Variants in SIRPG observed in about 807,000 individuals in gnomAD.
SIRPG encodes the protein signal-regulatory protein gamma.
Under a neutral mutation model 35.7 loss-of-function variants are expected in SIRPG, and 38 were observed. The ratio of observed to expected loss-of-function variants is 1.06; its 90% CI spans 0.82 to 1.40. The LOEUF is 1.40. Ranked by LOEUF, SIRPG falls within the 40% of genes most tolerant of loss-of-function variation. The pLI is 0.00. For synonymous variants in SIRPG, 215 were observed against 190.4 expected, an observed-to-expected ratio of 1.13 and a Z score of -1.06; for missense variants, 519 against 483.0, an observed-to-expected ratio of 1.07 and a Z score of -0.70.
At chr20:1,674,534 C>A in the SIRPG span, among the ~76,000 whole-genome samples, 13 of 152,166 alleles carry the variant, frequency 8.5e-5, no homozygotes, top group Non-Finnish European at 1.8e-4. Flanking sequence ...CCAGGAAGTA[C>A]CAGAGCCCGG....
upstream of SIRPG, among the ~76,000 whole-genome samples, chr20:1,661,221 G>A (rs1032790699): frequency 7.9e-5 from 12 of 152,194 alleles, no homozygotes; most frequent in Admixed American, 5.9e-4. Flanking sequence ...CCAGTGGCTG[G>A]TGGAGGTGGA....
chr20:1,669,015 A>G, the SIRPG span, among the ~76,000 whole-genome samples: 2 of 152,346 alleles, frequency 1.3e-5, no homozygotes, highest in African/African-American at 4.8e-5. Flanking sequence ...AAGCCTTTGA[A>G]AAGTCTTCTG....
chr20:1,632,438 T>C (rs1457617846), intron 4 of SIRPG, among the ~76,000 whole-genome samples: 1 of 152,140 alleles, frequency 6.6e-6, no homozygotes, highest in African/African-American at 2.4e-5. Context: ...CCTGCCAGCC[T>C]AGACAACTTA....
At chr20:1,667,235 T>A in the SIRPG span, among the ~76,000 whole-genome samples, 1 of 152,316 alleles carries the variant, frequency 6.6e-6, no homozygotes, top group East Asian at 1.9e-4. Flanking sequence ...GTGTTCTAAT[T>A]GCCTACGGTA....
chr20:1,653,700 G>A (rs2122570216), intron 1 of SIRPG, among the ~76,000 whole-genome samples: 1 of 152,314 alleles, frequency 6.6e-6, no homozygotes, highest in African/African-American at 2.4e-5. Flanking sequence ...AGGACTTTCA[G>A]TGGTAAGATT....
At chr20:1,645,550 A>G (rs1041693119) in intron 2 of SIRPG, among the ~76,000 whole-genome samples, 3 of 152,210 alleles carry the variant, frequency 2.0e-5, no homozygotes, top group Non-Finnish European at 4.4e-5. Context: ...GGCATCACAT[A>G]GTTCACATTT....
chr20:1,647,919 G>A (rs1489557747), intron 2 of SIRPG: 1 of 152,186 alleles, frequency 6.6e-6, no homozygotes, highest in East Asian at 1.9e-4. Flanking sequence ...TACCTGTGAT[G>A]CACCAGGTTC....
At chr20:1,652,253 C>A (rs2091944701) in intron 1 of SIRPG, among the ~76,000 whole-genome samples, 1 of 152,182 alleles carries the variant, frequency 6.6e-6, no homozygotes, top group South Asian at 2.1e-4. Flanking sequence ...TGGTCCAGAT[C>A]TAGGGGGAAT....
the SIRPG span, among the ~76,000 whole-genome samples, chr20:1,676,244 T>C: frequency 6.6e-6 from 1 of 152,182 alleles, no homozygotes; most frequent in Non-Finnish European, 1.5e-5. Flanking sequence ...TTAGGCAGTG[T>C]TCTTACATAT....
At chr20:1,655,848 G>T (rs1323167854) in intron 1 of SIRPG, among the ~76,000 whole-genome samples, 1 of 151,762 alleles carries the variant, frequency 6.6e-6, no homozygotes, top group African/African-American at 2.4e-5. Flanking sequence ...ACTGAAAATA[G>T]AAAGAGAACC....
At chr20:1,670,768 G>C in the SIRPG span, 14 of 192,584 alleles carry the variant, frequency 7.3e-5, no homozygotes, top group Non-Finnish European at 1.5e-4. Context: ...AAGGTGGGCA[G>C]CACAGTTAGG....
chr20:1,664,870 A>T, the SIRPG span, among the ~76,000 whole-genome samples: 1 of 152,024 alleles, frequency 6.6e-6, no homozygotes, highest in Non-Finnish European at 1.5e-5. Flanking sequence ...AGAGGATCAG[A>T]GTGGGAACAG....
chr20:1,635,591 T>C lies in SIRPG; in HGVS notation c.757A>G (p.Thr253Ala), dbSNP rs768249416. The C allele has an allele frequency of 2.2e-5, 36 of 1,613,790 alleles. No homozygotes were observed. The highest frequency in any genetic ancestry group is 1.6e-4 in the Middle Eastern group (1 of 6,074). Residue 253 changes from threonine (T) to alanine (A), a missense_variant, in exon 4 of 6, where the codon ACC becomes GCC. Transcript: ENST00000303415. ...NLSEAIRVPPTLEVTQQPMRV... is the reference protein window; with the variant it reads ...NLSEAIRVPPALEVTQQPMRV... The stretch of plus-strand genomic sequence containing the variant: ...ATGGGCTGTTGAGTAACCTCCAAGG[T>C]GGGTGGAACTGAAACAGCACAGGGT...
chr20:1,671,126 A>T, the SIRPG span: 1 of 427,744 alleles, frequency 2.3e-6, no homozygotes, highest in Admixed American at 2.6e-5. Flanking sequence ...TGGGACTCAC[A>T]GGTGAAGCTC....
intron 2 of SIRPG, among the ~76,000 whole-genome samples, chr20:1,641,560 A>G (rs1400954736): frequency 6.6e-6 from 1 of 151,818 alleles, no homozygotes; most frequent in Non-Finnish European, 1.5e-5. Context: ...CAGCTTCTGG[A>G]TTCATTGATT....
At chr20:1,674,323 G>A in the SIRPG span, among the ~76,000 whole-genome samples, 1 of 151,968 alleles carries the variant, frequency 6.6e-6, no homozygotes, top group Non-Finnish European at 1.5e-5. Flanking sequence ...GAGAAGCACT[G>A]ACCCATCTGA....
the SIRPG span, among the ~76,000 whole-genome samples, chr20:1,678,481 A>G: frequency 1.7e-5 from 2 of 119,048 alleles, no homozygotes; most frequent in Admixed American, 7.8e-5. Context: ...AGCAGGTGGG[A>G]AAAAAATCAA....
chr20:1,668,290 T>C, the SIRPG span, among the ~76,000 whole-genome samples: 1 of 151,444 alleles, frequency 6.6e-6, no homozygotes, highest in Non-Finnish European at 1.5e-5. Context: ...TTTCTTTCTT[T>C]CTTTCTTTTT....
At chr20:1,648,015 A>C (rs1019546096) in intron 2 of SIRPG, 33 of 152,198 alleles carry the variant, frequency 2.2e-4, no homozygotes, top group African/African-American at 8.0e-4. Flanking sequence ...GATTCCATCA[A>C]TAACTGGCCA....
Sources: allele counts gnomAD v4.1 joint callset (sites outside exome capture counted in the v4.1 genomes callset), GRCh38; gene constraint gnomAD v4.1.1; transcripts MANE v1.5; gene names NCBI Gene and HGNC (gene_info 2026-07-23, HGNC 2026-07-21).